PRH1: variants seen among roughly 807,000 people sequenced by gnomAD.
PRH1 encodes proline rich protein HaeIII subfamily 1.
A neutral mutation model predicts 7.9 loss-of-function variants in PRH1; 7 were observed. The ratio of observed to expected loss-of-function variants is 0.89; its 90% CI spans 0.50 to 1.67. The LOEUF is 1.67. Among genes scored for constraint, PRH1 ranks in the 40% most tolerant of loss-of-function variants. The pLI is 0.00. For missense variants in PRH1, 109 were observed against 223.6 expected (o/e 0.49, Z 3.27); for synonymous variants, 45 against 80.8 (o/e 0.56, Z 2.38).
chr12:10,887,760 TCA>T (rs1949514800), upstream of PRH1, among the ~76,000 whole-genome samples: 1 of 152,108 alleles, frequency 6.6e-6, no homozygotes, highest in Non-Finnish European at 1.5e-5. Context: ...ATGGCTAGGG[TCA>T]CTGTAGTAAA....
chr12:10,898,394 A>T (rs1949678639), intron 2 of PRH1, among the ~76,000 whole-genome samples: 1 of 152,258 alleles, frequency 6.6e-6, no homozygotes. Context: ...TAATTGTGAT[A>T]GGCAAACATG....
intron 1 of PRH1, chr12:11,022,473 A>G (rs141309643): frequency 1.2e-6 from 2 of 1,613,776 alleles, no homozygotes; most frequent in African/African-American, 2.7e-5. Context: ...TAACCCAGTC[A>G]ATGACATTTA....
At chr12:10,930,129 G>A (rs1453151028) in intron 2 of PRH1, 29 of 1,003,756 alleles carry the variant, frequency 2.9e-5, no homozygotes, top group African/African-American at 4.9e-5. Flanking sequence ...TTCCACTTCC[G>A]GTAGCATCAG....
chr12:10,942,116 T>G (rs1950410976), intron 2 of PRH1, among the ~76,000 whole-genome samples: 1 of 152,070 alleles, frequency 6.6e-6, no homozygotes, highest in African/African-American at 2.4e-5. Context: ...CCTGTTCTGG[T>G]GGAGGTGGCA....
intron 2 of PRH1, among the ~76,000 whole-genome samples, chr12:10,910,338 G>C (rs1448907278): frequency 6.6e-6 from 1 of 152,048 alleles, no homozygotes; most frequent in African/African-American, 2.4e-5. Flanking sequence ...TATAATAAAA[G>C]TTGCCAGGGG....
intron 2 of PRH1, chr12:10,931,150 A>G: frequency 6.3e-7 from 1 of 1,586,504 alleles, no homozygotes; most frequent in Non-Finnish European, 8.6e-7. Context: ...TGTGCCAGTG[A>G]ATCTATTGAA....
intron 1 of PRH1, chr12:10,973,865 C>CT: frequency 2.2e-6 from 1 of 447,918 alleles, no homozygotes; most frequent in Non-Finnish European, 4.0e-6. Context: ...AATGCAATCT[C>CT]TATCAAATTC....
At chr12:10,897,233 A>G (rs190854704) in intron 2 of PRH1, among the ~76,000 whole-genome samples, 1 of 152,370 alleles carries the variant, frequency 6.6e-6, no homozygotes, top group Non-Finnish European at 1.5e-5. Flanking sequence ...TTAAAAGTAC[A>G]GAGCCTCAGT....
intron 1 of PRH1, among the ~76,000 whole-genome samples, chr12:10,978,607 A>T (rs1299884299): frequency 6.6e-6 from 1 of 152,174 alleles, no homozygotes; most frequent in African/African-American, 2.4e-5. Flanking sequence ...TTTCTGCACA[A>T]GAAAAGAAAT....
chr12:10,909,379 C>A, intron 2 of PRH1: 1 of 947,052 alleles, frequency 1.1e-6, no homozygotes, highest in Non-Finnish European at 1.6e-6. Context: ...CCTTGAGTGT[C>A]CAGTGGAGTT....
chr12:11,036,303 C>A (rs575423134), intron 1 of PRH1, among the ~76,000 whole-genome samples: 1 of 152,002 alleles, frequency 6.6e-6, no homozygotes, highest in East Asian at 1.9e-4. Context: ...GGACATCTGA[C>A]ATAAGTAGAC....
chr12:11,034,306 T>A (rs1220505783), intron 1 of PRH1, among the ~76,000 whole-genome samples: 1 of 22,440 alleles, frequency 4.5e-5, no homozygotes, highest in Admixed American at 5.0e-4. Flanking sequence ...CAGTTATGAA[T>A]AATTCTACTA....
intron 1 of PRH1, among the ~76,000 whole-genome samples, chr12:11,036,057 C>T (rs1230140484): frequency 6.6e-6 from 1 of 152,090 alleles, no homozygotes; most frequent in East Asian, 1.9e-4. Flanking sequence ...CAACGCCTGG[C>T]TAATTTTTTG....
intron 2 of PRH1, among the ~76,000 whole-genome samples, chr12:10,906,819 T>C (rs186303725): frequency 3.3e-5 from 5 of 152,324 alleles, no homozygotes; most frequent in African/African-American, 9.6e-5. Context: ...GTCTTGAGTA[T>C]GTCTTTATCA....
chr12:11,041,288 C>CAAAAAAAAAAAA (rs67144212), intron 1 of PRH1, among the ~76,000 whole-genome samples: 5 of 81,390 alleles, frequency 6.1e-5, no homozygotes, highest in African/African-American at 1.6e-4. Context: ...CAATGCAAAC[C>CAAAAAAAAAAAA]AAAAAAAAAA....
intron 1 of PRH1, among the ~76,000 whole-genome samples, chr12:11,142,989 T>C (rs1023006687): frequency 9.2e-5 from 14 of 152,048 alleles, no homozygotes; most frequent in Admixed American, 7.2e-4. Context: ...TAATGAGCAA[T>C]ATGTAATCAC....
At chr12:11,143,359 T>C (rs1383174042) in intron 1 of PRH1, among the ~76,000 whole-genome samples, 1 of 151,916 alleles carries the variant, frequency 6.6e-6, no homozygotes, top group Non-Finnish European at 1.5e-5. Context: ...CATAATACAA[T>C]GGATACACAC....
At chr12:11,147,332 T>C (rs1946893928) in intron 1 of PRH1, among the ~76,000 whole-genome samples, 1 of 151,906 alleles carries the variant, frequency 6.6e-6, no homozygotes, top group East Asian at 1.9e-4. Context: ...TGACTACAGG[T>C]GTGTGCCACC....
intron 1 of PRH1, chr12:11,078,836 C>T (rs1253818442): frequency 6.6e-6 from 1 of 152,050 alleles, no homozygotes; most frequent in Non-Finnish European, 1.5e-5. Flanking sequence ...CCCTGGGAGG[C>T]CGATACACCT....
Sources: gnomAD v4.1 joint callset for allele counts (sites outside exome capture counted in the v4.1 genomes callset) on GRCh38, gnomAD v4.1.1 for gene constraint, MANE v1.5 for transcripts, NCBI Gene and HGNC (gene_info 2026-07-23, HGNC 2026-07-21) for gene names.